ACSBG2: variants seen among roughly 807,000 people sequenced by gnomAD.
ACSBG2 encodes long-chain-fatty-acid--CoA ligase ACSBG2.
A neutral mutation model predicts 74.7 loss-of-function variants in ACSBG2; 62 were observed. The observed-to-expected ratio is 0.83, with a 90% CI of 0.68 to 1.03. The LOEUF (loss-of-function observed/expected upper bound fraction) is 1.03, where lower values mean the gene tolerates loss of function less well. Among genes scored for constraint, ACSBG2 ranks in the 50% least tolerant of loss-of-function variants. The probability of loss-of-function intolerance (pLI) is 0.00; values close to 1 mark genes in which losing one functional copy is unlikely to be tolerated. For missense variants in ACSBG2, 730 were observed against 817.6 expected (o/e 0.89, Z 1.31); for synonymous variants, 309 against 294.1 (o/e 1.05, Z -0.52).
intron 2 of ACSBG2, among the ~76,000 whole-genome samples, chr19:6,142,302 T>C (rs1168680521): frequency 2.0e-5 from 3 of 152,188 alleles, no homozygotes; most frequent in Non-Finnish European, 4.4e-5. Flanking sequence ...ATAATCATTT[T>C]ACTGTCAGAG....
At chr19:6,187,059 C>T (rs970571481) in intron 11 of ACSBG2, among the ~76,000 whole-genome samples, 5 of 143,520 alleles carry the variant, frequency 3.5e-5, no homozygotes, top group Admixed American at 7.3e-5. Context: ...GGTTGGAGTG[C>T]GGTGGCATGA....
At chr19:6,162,148 C>T (rs1156418613) in intron 6 of ACSBG2, among the ~76,000 whole-genome samples, 2 of 151,316 alleles carry the variant, frequency 1.3e-5, no homozygotes, top group Non-Finnish European at 2.9e-5. Context: ...TGCCTGTAGT[C>T]CCAGCTACTC....
intron 8 of ACSBG2, among the ~76,000 whole-genome samples, chr19:6,179,072 A>T (rs1339714599): frequency 6.6e-6 from 1 of 152,142 alleles, no homozygotes. Flanking sequence ...TTTTCTGGAA[A>T]AGAGGGAACT....
At position 6,173,548 on chromosome 19, in the gene ACSBG2, C is replaced by T. The variant is rs118068202; in HGVS notation, c.739-3681C>T. 7.9e-3 allele frequency among the ~76,000 whole-genome samples: 1,199 copies of T among 152,276 alleles called. 13 individuals carry two copies. Among genetic ancestry groups the T allele is most frequent in the Middle Eastern group, 0.024 (7 of 294 alleles). On this transcript the variant is annotated intron_variant, in intron 7 of 14. Coordinates refer to ENST00000588485, the MANE Select transcript of ACSBG2 (RefSeq NM_030924.5). ...AAGAAGCACTCCCACCTATCCTTTCCATGGGGCTCTGAGTTCCTCAGGAGC... is the reference window on the plus strand; with the variant it reads ...AAGAAGCACTCCCACCTATCCTTTCTATGGGGCTCTGAGTTCCTCAGGAGC...
At chr19:6,142,426 C>CGTGAGAGTGA (rs2088876587) in intron 2 of ACSBG2, among the ~76,000 whole-genome samples, 6 of 151,398 alleles carry the variant, frequency 4.0e-5, no homozygotes, top group African/African-American at 9.7e-5. Context: ...CTCTTGACAC[C>CGTGAGAGTGA]ATCGAGAGTG....
In ACSBG2 at chr19:6,187,651, C is replaced by G; in HGVS notation, c.1733C>G (p.Ala578Gly). The change falls in exon 13 of 15, where the codon GCC (alanine) becomes GGC (glycine). Residue 578 changes from alanine to glycine, a missense_variant. Ala to Gly is a moderately conservative substitution (Grantham distance 60, BLOSUM62 0). Transcript: ENST00000588485. ...GEPLDKLNFE[A>G]INFCRGLGSQ... ...CCTCTGGACAAGCTGAACTTCGAGG[C>G]CATCAACTTCTGTCGGGGTCTGGGC... The G allele has an allele frequency of 6.2e-7, 1 of 1,614,062 alleles. No individual in the cohort carries two copies. Among genetic ancestry groups the G allele is most frequent in the South Asian group, 1.1e-5 (1 of 91,070 alleles).
Position 6,165,983 on chromosome 19 carries a change from A to T in ACSBG2, c.706A>T (p.Ile236Leu), listed in dbSNP as rs183816648. ...CATCTACACTTCAGGGACCACAGGC[A>T]TACCCAAGGGAGTGATGCTCAGTCA... is the stretch of plus-strand genomic sequence containing the variant. ...VLIYTSGTTG[I>L]PKGVMLSHDN... Residue 236 changes from isoleucine (I) to leucine (L), a missense_variant, in exon 7 of 15, where the codon ATA (isoleucine) becomes TTA (leucine). Physicochemically the swap from Ile to Leu is conservative, Grantham distance 5 (BLOSUM62 2). Coordinates refer to ENST00000588485, the MANE Select transcript of ACSBG2 (RefSeq NM_030924.5). The T allele has an allele frequency of 1.7e-5, 28 of 1,614,152 alleles. No homozygotes were observed. In the East Asian group the frequency reaches 6.0e-4, roughly 35 times the overall value.
intron 8 of ACSBG2, among the ~76,000 whole-genome samples, chr19:6,179,374 A>T (rs2090182486): frequency 7.1e-6 from 1 of 140,806 alleles, no homozygotes; most frequent in Non-Finnish European, 1.5e-5. Context: ...ATCATAGCTT[A>T]CTGCAGCCTT....
chr19:6,189,534 T>G (rs183026388), intron 13 of ACSBG2, among the ~76,000 whole-genome samples: 69 of 152,146 alleles, frequency 4.5e-4, no homozygotes, highest in Admixed American at 1.0e-3. Flanking sequence ...CTTGTTTTTT[T>G]TTTGTTTGTT....
intron 7 of ACSBG2, among the ~76,000 whole-genome samples, chr19:6,167,920 C>T (rs1008158070): frequency 6.6e-6 from 1 of 152,120 alleles, no homozygotes; most frequent in African/African-American, 2.4e-5. Context: ...TCCCCTGGAC[C>T]TGTGTGGTTG....
At chr19:6,189,412 C>T (rs535932060) in intron 13 of ACSBG2, among the ~76,000 whole-genome samples, 5 of 152,292 alleles carry the variant, frequency 3.3e-5, no homozygotes, top group East Asian at 3.9e-4. Flanking sequence ...TGTCAGCGCT[C>T]GGCTGTAATC....
rs1036482971 is a variant in ACSBG2 at position 6,161,375 on chromosome 19, G to T, written c.588+80G>T. ...AGTGGGCGTGGCCTAAGTGGAAGGT[G>T]AGCAGAGGGAGGAGGTCGGACCTGG... is the stretch of plus-strand genomic sequence containing the variant. On this transcript the variant is annotated intron_variant, in intron 6 of 14. Transcript: ENST00000588485. 2.4e-5 allele frequency: 33 copies of T among 1,377,438 alleles called. No individual in the cohort carries two copies. In the Admixed American group the frequency reaches 5.9e-4, roughly 25 times the overall value. The allele number at this position is 1,377,438 out of a possible 1,614,324, so 85.3% of individuals were successfully genotyped here.
In ACSBG2 at chr19:6,177,268, C is replaced by T. The variant is rs1457732218; in HGVS notation, c.778C>T (p.Leu260=). 6.2e-7 allele frequency: 1 copy of T among 1,613,396 alleles called. No individual in the cohort carries two copies. The highest frequency in any genetic ancestry group is 8.5e-7 in the Non-Finnish European group (1 of 1,180,012). Residue 260 remains leucine (L), a synonymous_variant, in exon 8 of 15, where the codon CTG becomes TTG. Coordinates refer to ENST00000588485, the MANE Select transcript of ACSBG2 (RefSeq NM_030924.5). ...AGGAGCAGTGACAAAGGACTTTAAA[C>T]TGACAGACAAGCATGAGACGGTGGT... ...IAGAVTKDFK[L]TDKHETVVSY...
chr19:6,164,433 C>A (rs1001737113), intron 6 of ACSBG2, among the ~76,000 whole-genome samples: 5 of 141,972 alleles, frequency 3.5e-5, no homozygotes, highest in Non-Finnish European at 7.5e-5. Context: ...CTTTGAGGGG[C>A]CTTTTTTTTT....
rs371866289 is a variant in ACSBG2 at position 6,184,832 on chromosome 19, GAAAAAAA to G, written c.1323-570_1323-564del. Among the ~76,000 whole-genome samples the G allele has an allele frequency of 9.8e-3, 132 of 13,526 alleles. 4 individuals carry two copies. Among genetic ancestry groups the G allele is most frequent in the African/African-American group, 0.015 (119 of 8,096 alleles). The allele number at this position is 13,526 out of a possible 152,430, so 8.9% of individuals were successfully genotyped here. ...TTTCTTTGCCGGCATATGTGGAGATGAAAAAAAAAAAAAAAAAAAAAAAAAAAAAAAA... is the reference window on the plus strand; with the variant it reads ...TTTCTTTGCCGGCATATGTGGAGATGAAAAAAAAAAAAAAAAAAAAAAAAA... On this transcript the variant is annotated intron_variant, in intron 10 of 14. Transcript: ENST00000588485.
rs375380589 is a variant in ACSBG2 at position 6,183,113 on chromosome 19, T to G, written c.1163T>G (p.Leu388Trp). Residue 388 changes from leucine to tryptophan, a missense_variant, in exon 10 of 15, where the codon TTG (leucine) becomes TGG (tryptophan). Transcript: ENST00000588485. ...VFSKVKTSLGLDHCHSFISGT... is the reference protein window; with the variant it reads ...VFSKVKTSLGWDHCHSFISGT... ...AGCAAAGTCAAGACATCCCTTGGCT[T>G]GGATCACTGTCACTCTTTTATCAGT... 6 of 1,614,120 alleles carry G rather than the reference T, an allele frequency of 3.7e-6. No homozygotes were observed. In the African/African-American group the frequency reaches 8.0e-5, roughly 22 times the overall value.
rs530746451 is a variant in ACSBG2, at chr19:6,183,397, T to A, written c.1322+125T>A. On this transcript the variant is annotated intron_variant, in intron 10 of 14. Transcript: ENST00000588485. ...ACGTGGTGTCTCCAGAATGATCCTGTTCTCCAGCCTCCAAGTCCTAACTCC... is the reference window on the plus strand; with the variant it reads ...ACGTGGTGTCTCCAGAATGATCCTGATCTCCAGCCTCCAAGTCCTAACTCC... The A allele has an allele frequency of 2.0e-5, 16 of 793,564 alleles. No individual in the cohort carries two copies. The East Asian group carries it at 4.3e-4, about 21-fold the overall frequency. 49.2% of individuals were successfully genotyped at this position (793,564 alleles called of 1,614,324 possible).
chr19:6,138,429 A>T (rs542624743), intron 1 of ACSBG2, among the ~76,000 whole-genome samples: 3 of 141,670 alleles, frequency 2.1e-5, no homozygotes, highest in East Asian at 4.6e-4. Flanking sequence ...GGCTGAGCTG[A>T]TGGAATTAGC....
chr19:6,181,044 TAAA>T (rs113174172), intron 8 of ACSBG2, among the ~76,000 whole-genome samples: 2 of 100,030 alleles, frequency 2.0e-5, no homozygotes, highest in Admixed American at 1.1e-4. Context: ...CCGTCTCTAC[TAAA>T]AAAAAAAAAA....
Sources: gnomAD v4.1 joint callset for allele counts (sites outside exome capture counted in the v4.1 genomes callset) on GRCh38, gnomAD v4.1.1 for gene constraint, MANE v1.5 for transcripts, NCBI Gene and HGNC (gene_info 2026-07-23, HGNC 2026-07-21) for gene names.